MYO15A: variants seen among roughly 807,000 people sequenced by gnomAD.
MYO15A encodes unconventional myosin-XV.
MYO15A carries 308 observed loss-of-function variants against 394.6 expected under a neutral mutation model. The ratio of observed to expected loss-of-function variants is 0.78; its 90% CI spans 0.71 to 0.86. The LOEUF is 0.86. Among genes scored for constraint, MYO15A ranks in the 40% least tolerant of loss-of-function variants. MYO15A has a pLI of 0.00. For missense variants in MYO15A, 4,606 were observed against 4,799.1 expected (o/e 0.96, Z 1.19); for synonymous variants, 1,957 against 2,003.8 (o/e 0.98, Z 0.62).
intron 56 of MYO15A, 24 bp from the exon 57 acceptor site, chr17:18,161,293 T>C: frequency 6.2e-7 from 1 of 1,612,628 alleles, no homozygotes; most frequent in Non-Finnish European, 8.5e-7. Flanking sequence ...CCACCTCTGC[T>C]GTAGCCCCCA....
chr17:18,122,294 G>T lies in MYO15A; in HGVS notation c.3494G>T (p.Gly1165Val), dbSNP rs2045953866. 1 of 1,612,962 alleles carries T rather than the reference G, an allele frequency of 6.2e-7. No individual in the cohort carries two copies. The highest frequency in any genetic ancestry group is 8.5e-7 in the Non-Finnish European group (1 of 1,180,004). Residue 1165 changes from glycine to valine, a missense_variant, in exon 2 of 66, where the codon GGA (glycine) becomes GTA (valine). This residue lies in a region of MYO15A where 1,830 missense variants were observed against 1,689.7 expected (regional missense o/e 1.08). Transcript: ENST00000647165. ...SCLWLRADAY[G>V]PWPRVHTHPQ... The stretch of plus-strand genomic sequence containing the variant: ...CTCTGGCTTCGGGCAGATGCCTATG[G>T]ACCCTGGCCACGAGTACACACCCAT...
chr17:18,141,092 T>A lies in MYO15A; in HGVS notation c.5480T>A (p.Ile1827Asn). The change falls in exon 22 of 66, where the codon ATC becomes AAC. Residue 1827 changes from isoleucine (I) to asparagine (N), a missense_variant. By Grantham distance (149) the Ile-to-Asn change is moderately radical. Coordinates refer to ENST00000647165, the MANE Select transcript of MYO15A (RefSeq NM_016239.4). Reference sequence around the variant, plus strand: ...TCAGGGGTGCTGGAGACCGTGAGGATCCGCAAGGAGGGATTTCCAGTGCGC... The same window carrying A: ...TCAGGGGTGCTGGAGACCGTGAGGAACCGCAAGGAGGGATTTCCAGTGCGC... ...RYSGVLETVR[I>N]RKEGFPVRLP... The A allele has an allele frequency of 6.2e-7, 1 of 1,614,020 alleles. No homozygotes were observed. The highest frequency in any genetic ancestry group is 8.5e-7 in the Non-Finnish European group (1 of 1,180,034).
At chr17:18,166,233 C>T (rs2046851863) in intron 60 of MYO15A, 128 bp from the exon 61 acceptor site, 1 of 1,145,708 alleles carries the variant, frequency 8.7e-7, no homozygotes, top group Non-Finnish European at 1.3e-6. Flanking sequence ...CCAGAACAGG[C>T]AGGTGGCTTG....
chr17:18,170,939 A>G (rs1185598617), intron 62 of MYO15A, among the ~76,000 whole-genome samples: 1 of 152,224 alleles, frequency 6.6e-6, no homozygotes, highest in Non-Finnish European at 1.5e-5. Context: ...TTCAGATGCC[A>G]GGCCCTTACC....
rs894997609 is a variant in MYO15A, at chr17:18,117,413, C to T, written c.-219-1169C>T. ...GGCTCTGAAGCCACTGATCTGAGGG[C>T]GTGGAGCTGGCAAGTGGCAGAACCA... On this transcript the variant is annotated intron_variant, in intron 1 of 65. Coordinates refer to ENST00000647165, the MANE Select transcript of MYO15A (RefSeq NM_016239.4). This position sits in a 1 kb window ranked among gnomAD's most constrained non-coding sequence, Gnocchi z 4.1. Among the ~76,000 whole-genome samples, 3 of 152,240 alleles carry T rather than the reference C, an allele frequency of 2.0e-5. No individual in the cohort carries two copies. The highest frequency in any genetic ancestry group is 6.5e-5 in the Admixed American group (1 of 15,282).
Position 18,130,854 on chromosome 17 carries a change from GTGTGTGTGTGTGTGTGTC to G in MYO15A, c.4038+48_4038+65del, listed in dbSNP as rs755346709. On this transcript the variant is annotated intron_variant, in intron 8 of 65. Coordinates refer to ENST00000647165, the MANE Select transcript of MYO15A (RefSeq NM_016239.4). ...TGTGTGTGTGTGTGTGTGTGTGTGTGTGTGTGTGTGTGTGTGTCTGTCCAGGAAAATGCGTGTGGATGT... is the reference window on the plus strand; with the variant it reads ...TGTGTGTGTGTGTGTGTGTGTGTGTGTGTCCAGGAAAATGCGTGTGGATGT... The G allele has an allele frequency of 5.0e-5, 78 of 1,547,410 alleles. No homozygotes were observed. In the African/African-American group the frequency reaches 7.2e-4, roughly 14 times the overall value.
intron 12 of MYO15A, 122 bp downstream of exon 12, chr17:18,133,508 TC>T: frequency 1.5e-6 from 2 of 1,337,890 alleles, no homozygotes; most frequent in Non-Finnish European, 2.0e-6. Context: ...CCTGTTTTTT[TC>T]TTTTTTCCTT....
intron 12 of MYO15A, 103 bp from the exon 13 acceptor site, chr17:18,135,608 T>C (rs1467295066): frequency 1.8e-6 from 2 of 1,125,876 alleles, no homozygotes; most frequent in Non-Finnish European, 2.6e-6. Flanking sequence ...CCCAAAGTGC[T>C]GGGACTACTG....
chr17:18,178,675 TA>T, intron 65 of MYO15A, 93 bp from the exon 66 acceptor site: 1 of 1,224,674 alleles, frequency 8.2e-7, no homozygotes, highest in Non-Finnish European at 1.2e-6. Flanking sequence ...GGTCTCCACC[TA>T]TCTCCCAACC....
intron 1 of MYO15A, among the ~76,000 whole-genome samples, chr17:18,116,099 G>A (rs1331378234): frequency 6.6e-6 from 1 of 152,220 alleles, no homozygotes; most frequent in Non-Finnish European, 1.5e-5. Flanking sequence ...TGAATGAATG[G>A]GTGAGTGAGT....
chr17:18,157,691 T>C, intron 50 of MYO15A, 31 bp from the exon 51 acceptor site: 2 of 1,602,918 alleles, frequency 1.2e-6, no homozygotes, highest in Non-Finnish European at 1.7e-6. Flanking sequence ...AAGACCCTCC[T>C]GTTTGCCTCA....
chr17:18,162,743 T>C, intron 58 of MYO15A, 64 bp downstream of exon 58: 1 of 1,541,806 alleles, frequency 6.5e-7, no homozygotes, highest in Non-Finnish European at 8.9e-7. Context: ...CTCATGCCTG[T>C]AATCCCAGCA....
Position 18,119,999 on chromosome 17 carries a change from T to G in MYO15A, c.1199T>G (p.Phe400Cys). ...EAIYPPEVPYFYPEESASAFV... is the reference protein window; with the variant it reads ...EAIYPPEVPYCYPEESASAFV... Reference sequence around the variant, plus strand: ...ATCTACCCCCCCGAGGTGCCCTATTTTTACCCGGAGGAGTCGGCTTCGGCC... The same window carrying G: ...ATCTACCCCCCCGAGGTGCCCTATTGTTACCCGGAGGAGTCGGCTTCGGCC... The change falls in exon 2 of 66, where the codon TTT becomes TGT. Residue 400 changes from phenylalanine (F) to cysteine (C), a missense_variant. By Grantham distance (205) the Phe-to-Cys change is radical. Coordinates refer to ENST00000647165, the MANE Select transcript of MYO15A (RefSeq NM_016239.4). 6.2e-7 allele frequency: 1 copy of G among 1,613,710 alleles called. No individual in the cohort carries two copies. Among genetic ancestry groups the G allele is most frequent in the Non-Finnish European group, 8.5e-7 (1 of 1,180,010 alleles).
At chr17:18,165,738 TCA>T (rs2046844254) in intron 60 of MYO15A, among the ~76,000 whole-genome samples, 1 of 152,230 alleles carries the variant, frequency 6.6e-6, no homozygotes, top group Admixed American at 6.5e-5. Context: ...TGACTTACAG[TCA>T]CACAGTGGTA....
chr17:18,122,554 C>G, intron 2 of MYO15A, 145 bp downstream of exon 2: 1 of 1,247,596 alleles, frequency 8.0e-7, no homozygotes, highest in East Asian at 2.6e-5. Flanking sequence ...TTGGGGAGAA[C>G]AGCCTGGACC....
intron 40 of MYO15A, 49 bp from the exon 41 acceptor site, chr17:18,151,797 G>A (rs2046587320): frequency 2.6e-6 from 4 of 1,511,054 alleles, no homozygotes; most frequent in African/African-American, 2.8e-5. Flanking sequence ...CTATGTGATG[G>A]GAAAGGGAGA....
intron 61 of MYO15A, 131 bp downstream of exon 61, chr17:18,166,652 C>A: frequency 1.6e-6 from 2 of 1,241,912 alleles, no homozygotes; most frequent in Non-Finnish European, 2.3e-6. Flanking sequence ...GCCCTGATGT[C>A]TCTGCTCCCC....
At chr17:18,167,870 G>T in intron 62 of MYO15A, 147 bp downstream of exon 62, 2 of 1,324,978 alleles carry the variant, frequency 1.5e-6, no homozygotes, top group Admixed American at 2.0e-5. Context: ...GGCTGTCCTT[G>T]CCTGGGGGCT....
intron 47 of MYO15A, 78 bp from the exon 48 acceptor site, chr17:18,156,117 C>G: frequency 6.2e-7 from 1 of 1,608,588 alleles, no homozygotes; most frequent in Non-Finnish European, 8.5e-7. Flanking sequence ...TGGGGCAGGA[C>G]AGGATCAGAA....
Sources: allele counts gnomAD v4.1 joint callset (sites outside exome capture counted in the v4.1 genomes callset), GRCh38; gene constraint gnomAD v4.1.1; regional missense constraint gnomAD v4.1.1; non-coding constraint Gnocchi (gnomAD v3.1); transcripts MANE v1.5; gene names NCBI Gene and HGNC (gene_info 2026-07-23, HGNC 2026-07-21).